The following TBC1D22A variants were observed in gnomAD, a reference collection of about 807,000 sequenced individuals.
TBC1D22A encodes the protein TBC1 domain family member 22A, also known as putative GTPase activator.
TBC1D22A carries 38 observed loss-of-function variants against 60.2 expected under a neutral mutation model. That is an observed-to-expected ratio of 0.63 (90% CI 0.49 to 0.83). The LOEUF (loss-of-function observed/expected upper bound fraction) is 0.83, where lower values mean the gene tolerates loss of function less well. Among genes scored for constraint, TBC1D22A ranks in the 40% least tolerant of loss-of-function variants. The pLI, the probability that TBC1D22A is intolerant of heterozygous loss-of-function variation, is 0.00. For missense variants in TBC1D22A, 628 were observed against 701.0 expected, an observed-to-expected ratio of 0.90 and a Z score of 1.18; for synonymous variants, 302 against 281.7, an observed-to-expected ratio of 1.07 and a Z score of -0.72.
chr22:46,924,858 C>T (rs939158839), intron 8 of TBC1D22A, among the ~76,000 whole-genome samples: 1 of 152,236 alleles, frequency 6.6e-6, no homozygotes, highest in East Asian at 1.9e-4. Flanking sequence ...GCATATGGCT[C>T]CTGGAGCTGG....
intron 6 of TBC1D22A, among the ~76,000 whole-genome samples, chr22:46,893,833 T>C (rs2068530781): frequency 6.6e-6 from 1 of 152,190 alleles, no homozygotes; most frequent in Non-Finnish European, 1.5e-5. Context: ...ATCACAGATG[T>C]GTGTGTGTGC....
At chr22:47,047,437 G>A (rs957209710) in intron 11 of TBC1D22A, among the ~76,000 whole-genome samples, 22 of 152,222 alleles carry the variant, frequency 1.4e-4, no homozygotes, top group African/African-American at 5.3e-4. Flanking sequence ...TGAAGGAGAG[G>A]GGCACAGAGG....
At chr22:47,070,006 G>A (rs1228184051) in intron 11 of TBC1D22A, among the ~76,000 whole-genome samples, 4 of 132,774 alleles carry the variant, frequency 3.0e-5, no homozygotes, top group East Asian at 2.1e-4. Flanking sequence ...CGGTCCCAGC[G>A]CTGTCCCCTG....
intron 4 of TBC1D22A, among the ~76,000 whole-genome samples, chr22:46,800,563 C>A (rs954515163): frequency 2.0e-5 from 3 of 152,142 alleles, no homozygotes; most frequent in Admixed American, 6.5e-5. Context: ...ACTGGTTACT[C>A]GCCACGTGAC....
intron 12 of TBC1D22A, among the ~76,000 whole-genome samples, chr22:47,120,972 A>G (rs2066250808): frequency 6.6e-6 from 1 of 152,244 alleles, no homozygotes; most frequent in Non-Finnish European, 1.5e-5. Context: ...ATCATAAACA[A>G]AATTCAAAGG....
intron 4 of TBC1D22A, among the ~76,000 whole-genome samples, chr22:46,858,001 G>A (rs1176824388): frequency 1.3e-5 from 2 of 152,250 alleles, no homozygotes; most frequent in Middle Eastern, 3.4e-3. Flanking sequence ...GAGGAGTGGC[G>A]CTGCTGGCTC....
chr22:47,104,045 G>A (rs2065524373), intron 11 of TBC1D22A, among the ~76,000 whole-genome samples: 1 of 152,286 alleles, frequency 6.6e-6, no homozygotes, highest in South Asian at 2.1e-4. Context: ...GGTGGCTCAC[G>A]CCTGTAATCT....
intron 8 of TBC1D22A, among the ~76,000 whole-genome samples, chr22:46,912,434 A>T (rs1314859055): frequency 6.6e-6 from 1 of 152,212 alleles, no homozygotes; most frequent in Admixed American, 6.5e-5. Flanking sequence ...ATATTTGAAG[A>T]TAGATAATAT....
intron 9 of TBC1D22A, among the ~76,000 whole-genome samples, chr22:46,975,567 T>A (rs1459762040): frequency 6.6e-6 from 1 of 152,178 alleles, no homozygotes; most frequent in African/African-American, 2.4e-5. Context: ...AGGGGGGCCC[T>A]CATCTGAGAG....
chr22:47,129,361 C>T (rs1360777011), intron 12 of TBC1D22A, among the ~76,000 whole-genome samples: 1 of 152,190 alleles, frequency 6.6e-6, no homozygotes, highest in Non-Finnish European at 1.5e-5. Flanking sequence ...CCTGTAATCC[C>T]AGCTACTTGG....
intron 8 of TBC1D22A, among the ~76,000 whole-genome samples, chr22:46,953,769 T>C (rs564877377): frequency 6.6e-6 from 1 of 152,378 alleles, no homozygotes; most frequent in East Asian, 1.9e-4. Flanking sequence ...GATAGAATTC[T>C]GTCAAAGTTA....
intron 7 of TBC1D22A, among the ~76,000 whole-genome samples, chr22:46,910,543 G>T (rs2069839474): frequency 6.6e-6 from 1 of 152,172 alleles, no homozygotes; most frequent in South Asian, 2.1e-4. Flanking sequence ...TGCCTTGTTT[G>T]TATGGACAGG....
intron 11 of TBC1D22A, among the ~76,000 whole-genome samples, chr22:47,070,609 G>C (rs1202579326): frequency 7.8e-6 from 1 of 128,918 alleles, no homozygotes; most frequent in Non-Finnish European, 1.6e-5. Flanking sequence ...ACGGTTCCAG[G>C]CTGTCCCCTG....
intron 9 of TBC1D22A, among the ~76,000 whole-genome samples, chr22:46,975,312 A>T (rs1025005081): frequency 6.6e-6 from 1 of 152,066 alleles, no homozygotes; most frequent in African/African-American, 2.4e-5. Flanking sequence ...AAGGCACTCG[A>T]CCCCAAAGAC....
chr22:47,012,075 G>C (rs1421649771), intron 10 of TBC1D22A, among the ~76,000 whole-genome samples: 1 of 151,866 alleles, frequency 6.6e-6, no homozygotes, highest in African/African-American at 2.4e-5. Flanking sequence ...TGGGCCCCTC[G>C]GGTTGACTGG....
intron 11 of TBC1D22A, among the ~76,000 whole-genome samples, chr22:47,091,140 CTGCT>C (rs886189851): frequency 2.4e-5 from 3 of 122,512 alleles, no homozygotes; most frequent in Non-Finnish European, 3.3e-5. Context: ...GAGGGGGTGA[CTGCT>C]TGTTGATAGA....
chr22:47,022,266 G>GA (rs985762166), intron 10 of TBC1D22A, among the ~76,000 whole-genome samples: 2 of 152,238 alleles, frequency 1.3e-5, no homozygotes, highest in South Asian at 4.2e-4. Flanking sequence ...CTGAAAGCTG[G>GA]AAAAAAATAT....
At chr22:46,889,657 A>G (rs112804062) in intron 5 of TBC1D22A, among the ~76,000 whole-genome samples, 5,417 of 152,306 alleles carry the variant, frequency 0.036, 328 homozygotes, top group African/African-American at 0.12. Context: ...ACACAGCTAG[A>G]AAAAGGAAAT....
intron 11 of TBC1D22A, among the ~76,000 whole-genome samples, chr22:47,100,054 G>A (rs1171408447): frequency 6.6e-6 from 1 of 152,216 alleles, no homozygotes; most frequent in African/African-American, 2.4e-5. Context: ...CAAGATTGCA[G>A]GTCAAAGGCA....
Sources: gnomAD v4.1 joint callset for allele counts (sites outside exome capture counted in the v4.1 genomes callset) on GRCh38, gnomAD v4.1.1 for gene constraint, MANE v1.5 for transcripts, NCBI Gene and HGNC (gene_info 2026-07-23, HGNC 2026-07-21) for gene names.